ADAM32: variants seen among roughly 807,000 people sequenced by gnomAD.
ADAM32 encodes the protein disintegrin and metalloproteinase domain-containing protein 32.
In ADAM32, 89 loss-of-function variants were observed where a neutral mutation model predicts 114.9. That is an observed-to-expected ratio of 0.77 (90% confidence interval 0.65 to 0.92). ADAM32 has a LOEUF of 0.92. ADAM32 is among the 40% of genes least tolerant of loss of function. ADAM32 has a pLI of 0.00. For synonymous variants in ADAM32, 285 were observed against 307.5 expected (o/e 0.93, Z 0.77); for missense variants, 870 against 932.8 (o/e 0.93, Z 0.88).
intron 4 of ADAM32, 37 bp from the exon 5 acceptor site, chr8:39,149,754 C>A: frequency 1.4e-6 from 2 of 1,474,506 alleles, no homozygotes; most frequent in East Asian, 4.6e-5. Context: ...AGTTTTGTTA[C>A]TTCCTAAGTG....
At chr8:39,200,858 C>A (rs1807349799) in intron 11 of ADAM32, among the ~76,000 whole-genome samples, 1 of 152,288 alleles carries the variant, frequency 6.6e-6, no homozygotes, top group Non-Finnish European at 1.5e-5. Context: ...CCAGTTTTCC[C>A]AGCACCATTT....
chr8:39,217,422 T>C (rs1808654081), intron 12 of ADAM32, among the ~76,000 whole-genome samples: 1 of 152,148 alleles, frequency 6.6e-6, no homozygotes, highest in Non-Finnish European at 1.5e-5. Flanking sequence ...TGGGTAGTTA[T>C]GTTATTATAT....
At chr8:39,116,579 T>A (rs1190681059) in intron 1 of ADAM32, among the ~76,000 whole-genome samples, 1 of 152,216 alleles carries the variant, frequency 6.6e-6, no homozygotes, top group Non-Finnish European at 1.5e-5. Flanking sequence ...TTTTTGTACA[T>A]TGATTTTGTA....
intron 14 of ADAM32, among the ~76,000 whole-genome samples, chr8:39,227,147 T>C (rs1809434334): frequency 1.3e-5 from 2 of 152,086 alleles, no homozygotes; most frequent in Non-Finnish European, 2.9e-5. Flanking sequence ...AGTGGACTGC[T>C]CCTGCAGGAC....
intron 1 of ADAM32, among the ~76,000 whole-genome samples, chr8:39,116,870 G>A (rs903417012): frequency 1.3e-5 from 2 of 150,784 alleles, no homozygotes; most frequent in Non-Finnish European, 3.0e-5. Flanking sequence ...GTTAGTTGTG[G>A]CATTTAATGA....
chr8:39,188,645 T>A (rs1185168912), intron 11 of ADAM32, among the ~76,000 whole-genome samples: 1 of 152,014 alleles, frequency 6.6e-6, no homozygotes, highest in Non-Finnish European at 1.5e-5. Flanking sequence ...TTCCTATTAT[T>A]CCCATTTTTA....
intron 6 of ADAM32, among the ~76,000 whole-genome samples, chr8:39,156,740 C>T (rs142594628): frequency 6.6e-6 from 1 of 152,116 alleles, no homozygotes; most frequent in South Asian, 2.1e-4. Flanking sequence ...TATAAGTAAC[C>T]ACCCTCTCCC....
chr8:39,151,624 T>C, intron 6 of ADAM32, 76 bp downstream of exon 6: 2 of 1,061,580 alleles, frequency 1.9e-6, no homozygotes, highest in East Asian at 3.0e-5. Flanking sequence ...AATAAATTTA[T>C]AAGCCCACTG....
chr8:39,244,721 G>A (rs1030142677), intron 16 of ADAM32, among the ~76,000 whole-genome samples: 3 of 152,090 alleles, frequency 2.0e-5, no homozygotes, highest in African/African-American at 7.2e-5. Flanking sequence ...GAGTGGGGAG[G>A]GATAGCATTA....
intron 10 of ADAM32, among the ~76,000 whole-genome samples, chr8:39,184,953 A>T (rs986223946): frequency 2.0e-5 from 3 of 152,170 alleles, no homozygotes; most frequent in African/African-American, 4.8e-5. Flanking sequence ...CATGGCCTGT[A>T]ACACTCCTGG....
chr8:39,196,507 T>C (rs1477888732), intron 11 of ADAM32, among the ~76,000 whole-genome samples: 2 of 152,118 alleles, frequency 1.3e-5, no homozygotes, highest in East Asian at 3.8e-4. Flanking sequence ...AGGTACATTT[T>C]TTCTATATCT....
chr8:39,264,498 A>G (rs1301086266), intron 19 of ADAM32, among the ~76,000 whole-genome samples: 1 of 152,192 alleles, frequency 6.6e-6, no homozygotes, highest in East Asian at 1.9e-4. Context: ...TCCTTAAAAA[A>G]GAAACTTTCG....
chr8:39,243,579 T>C (rs1474848048), intron 16 of ADAM32, among the ~76,000 whole-genome samples: 1 of 152,072 alleles, frequency 6.6e-6, no homozygotes, highest in African/African-American at 2.4e-5. Context: ...AAATCCAACA[T>C]CGCTTTATGA....
chr8:39,133,719 C>T (rs753783732), intron 2 of ADAM32, among the ~76,000 whole-genome samples: 17 of 152,176 alleles, frequency 1.1e-4, no homozygotes, highest in African/African-American at 4.8e-5. Context: ...TTTCCAGGCT[C>T]CTGGGAGGCA....
At chr8:39,164,878 A>C in intron 8 of ADAM32, 43 bp downstream of exon 8, 1 of 1,564,128 alleles carries the variant, frequency 6.4e-7, no homozygotes, top group Non-Finnish European at 8.8e-7. Flanking sequence ...GTTGTTTTGA[A>C]ATGATAATTT....
At chr8:39,218,991 C>T (rs528085301) in intron 12 of ADAM32, among the ~76,000 whole-genome samples, 29 of 152,160 alleles carry the variant, frequency 1.9e-4, no homozygotes, top group East Asian at 7.8e-4. Flanking sequence ...TGATCCTTCC[C>T]GGATGGGGTC....
chr8:39,109,408 G>T (rs748422858), intron 1 of ADAM32, among the ~76,000 whole-genome samples: 3 of 152,016 alleles, frequency 2.0e-5, no homozygotes, highest in African/African-American at 7.3e-5. Flanking sequence ...TTAGCTGGGC[G>T]TGGTGGTGCG....
Position 39,220,318 on chromosome 8 carries a change from G to T in ADAM32, c.1234-1292G>T, listed in dbSNP as rs543348959. On this transcript the variant is annotated intron_variant, in intron 12 of 24. Coordinates refer to ENST00000379907, the MANE Select transcript of ADAM32 (RefSeq NM_145004.7). ...ATCTTTCTGCAACCCTTTACTATTA[G>T]CCTACTGGCTTTGTTACATATAAGA... Among the ~76,000 whole-genome samples the T allele has an allele frequency of 2.6e-5, 4 of 152,140 alleles. No homozygotes were observed. In the South Asian group the frequency reaches 8.3e-4, roughly 32 times the overall value.
intron 18 of ADAM32, among the ~76,000 whole-genome samples, chr8:39,256,365 C>T (rs1157360422): frequency 6.6e-6 from 1 of 151,880 alleles, no homozygotes; most frequent in Non-Finnish European, 1.5e-5. Context: ...TACTGTGTTT[C>T]TGTTACAGAA....
Sources: allele counts gnomAD v4.1 joint callset (sites outside exome capture counted in the v4.1 genomes callset), GRCh38; gene constraint gnomAD v4.1.1; transcripts MANE v1.5; gene names NCBI Gene and HGNC (gene_info 2026-07-23, HGNC 2026-07-21).